DLGAP2: variants seen among roughly 807,000 people sequenced by gnomAD.
DLGAP2 encodes the protein DLG associated protein 2, also known as disks large-associated protein 2.
Under a neutral mutation model 100.3 loss-of-function variants are expected in DLGAP2, and 26 were observed. The observed-to-expected ratio is 0.26, with a 90% CI of 0.19 to 0.36. DLGAP2 has a LOEUF of 0.36. DLGAP2 is among the 10% of genes least tolerant of loss of function. The pLI, the probability that DLGAP2 is intolerant of heterozygous loss-of-function variation, is 1.00. For missense variants in DLGAP2, 1,858 were observed against 1,453.2 expected, an observed-to-expected ratio of 1.28 and a Z score of -4.53; for synonymous variants, 886 against 630.1, an observed-to-expected ratio of 1.41 and a Z score of -6.08.
intron 3 of DLGAP2, among the ~76,000 whole-genome samples, chr8:1,271,525 C>G (rs970176073): frequency 6.6e-6 from 1 of 152,104 alleles, no homozygotes; most frequent in East Asian, 1.9e-4. Flanking sequence ...CAGGCACGAA[C>G]GAGATAGTTG....
intron 10 of DLGAP2, among the ~76,000 whole-genome samples, chr8:1,670,154 C>T (rs1798654753): frequency 6.6e-6 from 1 of 152,228 alleles, no homozygotes; most frequent in African/African-American, 2.4e-5. Context: ...AGCCACCTCC[C>T]ACAGGTGCCC....
intron 2 of DLGAP2, among the ~76,000 whole-genome samples, chr8:1,189,181 C>T (rs1353896894): frequency 1.3e-5 from 2 of 150,232 alleles, no homozygotes; most frequent in Admixed American, 6.6e-5. Context: ...AGGCCGATTC[C>T]GCGGTTGGGG....
At position 1,173,747 on chromosome 8, in the gene DLGAP2, C is replaced by A. The variant is rs143614995; in HGVS notation, c.74-85104C>A. On this transcript the variant is annotated intron_variant, in intron 2 of 14. Transcript: ENST00000637795. ...AGCCCATCGGAAAAAGCACAGTATT[C>A]GGGTAGGAGTGACCCGATTTTCCAG... 8.5e-5 allele frequency among the ~76,000 whole-genome samples: 13 copies of A among 152,286 alleles called. 1 individual carries two copies. Among genetic ancestry groups the A allele is most frequent in the Non-Finnish European group, 2.9e-5 (2 of 68,024 alleles).
chr8:1,685,855 C>G (rs977988008), intron 12 of DLGAP2, among the ~76,000 whole-genome samples: 2 of 152,100 alleles, frequency 1.3e-5, no homozygotes, highest in Middle Eastern at 3.2e-3. Context: ...CAGGAAAATG[C>G]AAATCAAAAC....
intron 4 of DLGAP2, among the ~76,000 whole-genome samples, chr8:1,528,429 A>G (rs1212929198): frequency 1.3e-5 from 2 of 152,230 alleles, no homozygotes; most frequent in African/African-American, 4.8e-5. Context: ...TAAACTCCTA[A>G]GCCCAGAGCA....
chr8:920,416 C>T (rs1798683723), intron 2 of DLGAP2, among the ~76,000 whole-genome samples: 1 of 152,214 alleles, frequency 6.6e-6, no homozygotes, highest in African/African-American at 2.4e-5. Flanking sequence ...AGCAGAGTTT[C>T]AGGCCTGCTT....
intron 3 of DLGAP2, among the ~76,000 whole-genome samples, chr8:1,297,405 T>A (rs887733116): frequency 6.6e-6 from 1 of 152,106 alleles, no homozygotes; most frequent in Non-Finnish European, 1.5e-5. Context: ...TTTCATGTGG[T>A]GAGAAACGTG....
At chr8:1,332,055 G>C (rs557761509) in intron 3 of DLGAP2, among the ~76,000 whole-genome samples, 1 of 152,346 alleles carries the variant, frequency 6.6e-6, no homozygotes, top group South Asian at 2.1e-4. Context: ...TTGGGGTGCA[G>C]CCCTCTGTGA....
In DLGAP2 at chr8:1,188,152, C is replaced by T. The variant is rs188054289; in HGVS notation, c.74-70699C>T. The stretch of plus-strand genomic sequence containing the variant: ...CGGAATCTCGCACGCCCGGGACTTC[C>T]GTGACGTTTCCCTCACGGAATCTCA... On this transcript the variant is annotated intron_variant, in intron 2 of 14. Transcript: ENST00000637795. Among the ~76,000 whole-genome samples, 222 of 110,124 alleles carry T rather than the reference C, an allele frequency of 2.0e-3. 12 individuals carry two copies. Among genetic ancestry groups the T allele is most frequent in the African/African-American group, 1.0e-2 (155 of 15,554 alleles). 72.2% of individuals were successfully genotyped at this position (110,124 alleles called of 152,430 possible). A position where few individuals can be genotyped will look rare whatever the true frequency, so the allele number is the denominator to read the frequency against.
chr8:1,446,095 A>G (rs1032944839), intron 3 of DLGAP2, among the ~76,000 whole-genome samples: 2 of 151,924 alleles, frequency 1.3e-5, no homozygotes, highest in East Asian at 3.9e-4. Flanking sequence ...CTTGAGTTTA[A>G]TTAGATCCCA....
intron 2 of DLGAP2, among the ~76,000 whole-genome samples, chr8:1,197,223 G>C (rs1427456765): frequency 6.6e-6 from 1 of 152,098 alleles, no homozygotes; most frequent in Non-Finnish European, 1.5e-5. Flanking sequence ...GTCCACTTCA[G>C]GTCTCTTCTG....
chr8:1,225,727 C>T (rs78274957), intron 2 of DLGAP2, among the ~76,000 whole-genome samples: 3,298 of 152,208 alleles, frequency 0.022, 117 homozygotes, highest in African/African-American at 0.075. Context: ...AGCTCTTGGT[C>T]CAAGGACAGA....
chr8:1,181,901 G>A lies in DLGAP2; in HGVS notation c.74-76950G>A, dbSNP rs189014889. On this transcript the variant is annotated intron_variant, in intron 2 of 14. Coordinates refer to ENST00000637795, the MANE Select transcript of DLGAP2 (RefSeq NM_001346810.2). ...GCCATCGTCCCTGCAATCCCAGGAC[G>A]CATTTCTCCTGTTCCTTGTCTGTGA... is the stretch of plus-strand genomic sequence containing the variant. 5.2e-4 allele frequency among the ~76,000 whole-genome samples: 79 copies of A among 152,258 alleles called. No individual in the cohort carries two copies. The East Asian group carries it at 8.1e-3, about 16-fold the overall frequency.
chr8:1,241,745 G>GA (rs11385260), intron 2 of DLGAP2, among the ~76,000 whole-genome samples: 127,959 of 150,946 alleles, frequency 0.85, 54,372 homozygotes, highest in Middle Eastern at 0.92. Flanking sequence ...TGTAAGTGGT[G>GA]AAAAAAAAAA....
At chr8:750,944 G>C (rs996465700) in intron 1 of DLGAP2, among the ~76,000 whole-genome samples, 1 of 152,242 alleles carries the variant, frequency 6.6e-6, no homozygotes, top group East Asian at 1.9e-4. Context: ...TGTCTGAGAA[G>C]GTGAGTTGGC....
At chr8:774,209 T>C (rs984327068) in intron 1 of DLGAP2, among the ~76,000 whole-genome samples, 9 of 152,216 alleles carry the variant, frequency 5.9e-5, no homozygotes, top group Non-Finnish European at 1.0e-4. Flanking sequence ...GTTTTTTTCT[T>C]GTAAATTTGT....
chr8:851,729 T>G (rs1468777578), intron 1 of DLGAP2, among the ~76,000 whole-genome samples: 1 of 152,080 alleles, frequency 6.6e-6, no homozygotes, highest in East Asian at 1.9e-4. Context: ...GGGGCATAGA[T>G]TTCCTCCCTC....
intron 2 of DLGAP2, among the ~76,000 whole-genome samples, chr8:1,126,000 G>A (rs559572665): frequency 3.3e-5 from 5 of 152,192 alleles, no homozygotes; most frequent in African/African-American, 7.2e-5. Flanking sequence ...GGACACTTCC[G>A]GCTCTGGAAG....
chr8:883,813 C>G (rs999131357), intron 1 of DLGAP2, among the ~76,000 whole-genome samples: 1 of 152,332 alleles, frequency 6.6e-6, no homozygotes, highest in African/African-American at 2.4e-5. Flanking sequence ...GCAACAGGCC[C>G]TGGTGTGTGT....
Sources: gnomAD v4.1 joint callset for allele counts (sites outside exome capture counted in the v4.1 genomes callset) on GRCh38, gnomAD v4.1.1 for gene constraint, MANE v1.5 for transcripts, NCBI Gene and HGNC (gene_info 2026-07-23, HGNC 2026-07-21) for gene names.